Variants in LRPAP1 observed in about 807,000 individuals in gnomAD.
LRPAP1 encodes alpha-2-macroglobulin receptor-associated protein.
A neutral mutation model predicts 39.9 loss-of-function variants in LRPAP1; 41 were observed. The observed-to-expected ratio is 1.03, with a 90% CI of 0.80 to 1.33. The LOEUF (loss-of-function observed/expected upper bound fraction) is 1.33, where lower values mean the gene tolerates loss of function less well. Among genes scored for constraint, LRPAP1 ranks in the 40% most tolerant of loss-of-function variants. The pLI, the probability that LRPAP1 is intolerant of heterozygous loss-of-function variation, is 0.00. For synonymous variants in LRPAP1, 263 were observed against 212.7 expected, an observed-to-expected ratio of 1.24 and a Z score of -2.06; for missense variants, 565 against 482.3, an observed-to-expected ratio of 1.17 and a Z score of -1.61.
rs773363042 is a variant in LRPAP1 at position 3,512,952 on chromosome 4, C to G, written c.*22G>C. ...TCCTTCACGCTGGCCTCTTCCCTGC[C>G]GGGCTGGGCTCCCCAATGCCTTCAG... On this transcript the variant is annotated 3_prime_UTR_variant, in exon 8 of 8. Transcript: ENST00000650182. 1 of 1,603,166 alleles carries G rather than the reference C, an allele frequency of 6.2e-7. No individual in the cohort carries two copies. The highest frequency in any genetic ancestry group is 8.5e-7 in the Non-Finnish European group (1 of 1,175,474).
At position 3,505,386 on chromosome 4, in the gene LRPAP1, C is replaced by T. The variant is rs370445747; in HGVS notation, c.*7588G>A. Among the ~76,000 whole-genome samples the T allele has an allele frequency of 6.6e-6, 1 of 152,346 alleles. No individual in the cohort carries two copies. Among genetic ancestry groups the T allele is most frequent in the East Asian group, 1.9e-4 (1 of 5,182 alleles). On this transcript the variant is annotated 3_prime_UTR_variant, in exon 8 of 8. Transcript: ENST00000650182. ...GCCCTCGCCAGGCTGCTGGCCCCAT[C>T]GCTGGGAAGGAGTGGTTTGACCCCT...
intron 7 of LRPAP1, 102 bp downstream of exon 7, chr4:3,514,650 G>A (rs1360607981): frequency 2.8e-6 from 4 of 1,408,076 alleles, no homozygotes; most frequent in Non-Finnish European, 3.8e-6. Context: ...CAGCAGCGTG[G>A]GGCCCACACC....
chr4:3,507,873 G>T lies in LRPAP1; in HGVS notation c.*5101C>A, dbSNP rs924427316. 2 of 152,204 alleles carry T rather than the reference G, an allele frequency of 1.3e-5. No homozygotes were observed. The highest frequency in any genetic ancestry group is 4.8e-5 in the African/African-American group (2 of 41,452). The allele number at this position is 152,204 out of a possible 1,614,324, so 9.4% of individuals were successfully genotyped here. A position where few individuals can be genotyped will look rare whatever the true frequency, so the allele number is the denominator to read the frequency against. On this transcript the variant is annotated 3_prime_UTR_variant, in exon 8 of 8. Transcript: ENST00000650182. ...AGAAAACACAAATGGCCCAGAGCAGGAATGAGAATGGACATCACTGCACAG... is the reference window on the plus strand; with the variant it reads ...AGAAAACACAAATGGCCCAGAGCAGTAATGAGAATGGACATCACTGCACAG...
At chr4:3,532,080 C>T in intron 1 of LRPAP1, 129 bp downstream of exon 1, 8 of 1,054,464 alleles carry the variant, frequency 7.6e-6, no homozygotes, top group South Asian at 4.8e-5. Flanking sequence ...GTGCCAAGGA[C>T]AGGGCGCGTA....
At chr4:3,522,783 G>C in intron 2 of LRPAP1, among the ~76,000 whole-genome samples, 1 of 152,112 alleles carries the variant, frequency 6.6e-6, no homozygotes, top group South Asian at 2.1e-4. Flanking sequence ...GGGCGCGGTG[G>C]GGGTGAGGAC....
At position 3,532,322 on chromosome 4, in the gene LRPAP1, G is replaced by C. The variant is rs1285938401; in HGVS notation, c.91C>G (p.His31Asp). 6.3e-7 allele frequency: 1 copy of C among 1,584,322 alleles called. No individual in the cohort carries two copies. The highest frequency in any genetic ancestry group is 1.1e-5 in the South Asian group (1 of 87,210). The change falls in exon 1 of 8, where the codon CAC becomes GAC. Residue 31 changes from histidine (H) to aspartate (D), a missense_variant. Transcript: ENST00000650182. ...LFLGPWPAAS[H>D]GGKYSREKNQ... is the part of the protein sequence containing the mutation. ...TTCTCCCGCGAGTACTTGCCGCCGT[G>C]GCTCGCAGCGGGCCAGGGCCCGAGG...
At chr4:3,526,623 G>A (rs539437700) in intron 1 of LRPAP1, among the ~76,000 whole-genome samples, 31 of 152,332 alleles carry the variant, frequency 2.0e-4, no homozygotes, top group African/African-American at 7.0e-4. Flanking sequence ...CCAGCCCTCA[G>A]GTCCGCGCCG....
At chr4:3,520,026 C>A (rs747757132) in intron 3 of LRPAP1, 46 bp downstream of exon 3, 1 of 1,547,676 alleles carries the variant, frequency 6.5e-7, no homozygotes, top group Admixed American at 1.7e-5. Context: ...TAACACTCAA[C>A]GTAACGGCAC....
In LRPAP1 at chr4:3,508,309, T is replaced by A. The variant is rs902163984; in HGVS notation, c.*4665A>T. The A allele has an allele frequency of 2.0e-5, 3 of 152,314 alleles. No individual in the cohort carries two copies. Among genetic ancestry groups the A allele is most frequent in the Admixed American group, 2.0e-4 (3 of 15,300 alleles). 9.4% of individuals were successfully genotyped at this position (152,314 alleles called of 1,614,324 possible). On this transcript the variant is annotated 3_prime_UTR_variant, in exon 8 of 8. Transcript: ENST00000650182. ...GCGTGAGCCACCATGCCAGGCCTCA[T>A]GTCTATTTTTAAAAATCAAGTTCTT...
rs893219788 is a variant in LRPAP1, at chr4:3,509,156, T to G, written c.*3818A>C. 4 of 152,288 alleles carry G rather than the reference T, an allele frequency of 2.6e-5. No individual in the cohort carries two copies. Among genetic ancestry groups the G allele is most frequent in the Admixed American group, 2.6e-4 (4 of 15,288 alleles). 9.4% of individuals were successfully genotyped at this position (152,288 alleles called of 1,614,324 possible). A position where few individuals can be genotyped will look rare whatever the true frequency, so the allele number is the denominator to read the frequency against. ...ATGCACAGAAAACTCCAGTTCATTG[T>G]TGGGAGAAGTTGAAGATGAACTCAA... On this transcript the variant is annotated 3_prime_UTR_variant, in exon 8 of 8. Coordinates refer to ENST00000650182, the MANE Select transcript of LRPAP1 (RefSeq NM_002337.4).
rs148017639 is a variant in LRPAP1, at chr4:3,532,303, C to G, written c.110G>C (p.Arg37Pro). The change falls in exon 1 of 8, where the codon CGG becomes CCG. Residue 37 changes from arginine to proline, a missense_variant. Physicochemically the swap from Arg to Pro is moderately radical, Grantham distance 103. Transcript: ENST00000650182. ...GGACGGCTTGGGCTGGTTCTTCTCC[C>G]GCGAGTACTTGCCGCCGTGGCTCGC... ...PAASHGGKYS[R>P]EKNQPKPSPK... The G allele has an allele frequency of 1.5e-3, 2,380 of 1,574,236 alleles. 34 individuals are homozygous for G. The African/African-American group carries it at 0.029, about 19-fold the overall frequency.
At chr4:3,518,697 A>G (rs555617528) in intron 4 of LRPAP1, among the ~76,000 whole-genome samples, 174 bp downstream of exon 4, 255 of 151,408 alleles carry the variant, frequency 1.7e-3, no homozygotes, top group Middle Eastern at 3.4e-3. Flanking sequence ...CAACCTCCCC[A>G]CTCACAAGTC....
At chr4:3,515,321 G>C (rs978609312) in intron 6 of LRPAP1, among the ~76,000 whole-genome samples, 1 of 152,152 alleles carries the variant, frequency 6.6e-6, no homozygotes. Flanking sequence ...GCTCCTGTAG[G>C]TGCCCTGCCC....
At chr4:3,519,607 C>T (rs1016110380) in intron 3 of LRPAP1, among the ~76,000 whole-genome samples, 14 of 152,216 alleles carry the variant, frequency 9.2e-5, no homozygotes. Context: ...AGGTAAACAC[C>T]CTGCCACAGC....
chr4:3,507,401 C>T lies in LRPAP1; in HGVS notation c.*5573G>A, dbSNP rs945296037. On this transcript the variant is annotated 3_prime_UTR_variant, in exon 8 of 8. Coordinates refer to ENST00000650182, the MANE Select transcript of LRPAP1 (RefSeq NM_002337.4). ...AAAAGAATCAAATGGATTTAATTGT[C>T]TTTTTGTTACTGATTTCCTCCTCAA... 2.0e-5 allele frequency: 3 copies of T among 152,200 alleles called. No individual in the cohort carries two copies. The highest frequency in any genetic ancestry group is 7.2e-5 in the African/African-American group (3 of 41,450). The allele number at this position is 152,200 out of a possible 1,614,324, so 9.4% of individuals were successfully genotyped here. A position where few individuals can be genotyped will look rare whatever the true frequency, so the allele number is the denominator to read the frequency against.
At chr4:3,522,034 A>C (rs1233048556) in intron 2 of LRPAP1, among the ~76,000 whole-genome samples, 1 of 152,232 alleles carries the variant, frequency 6.6e-6, no homozygotes, top group East Asian at 1.9e-4. Flanking sequence ...AAATGAAATA[A>C]ATACATACAA....
intron 2 of LRPAP1, among the ~76,000 whole-genome samples, chr4:3,524,224 T>C (rs1730009455): frequency 6.6e-6 from 1 of 152,144 alleles, no homozygotes; most frequent in Non-Finnish European, 1.5e-5. Flanking sequence ...GTCGCAACTC[T>C]GTCATTTAAA....
intron 2 of LRPAP1, among the ~76,000 whole-genome samples, chr4:3,522,548 C>CT (rs57793212): frequency 0.56 from 44,771 of 79,760 alleles, 13,944 homozygotes; most frequent in East Asian, 0.84. Context: ...ACGCCCTGCC[C>CT]GGGGAGGACA....
At chr4:3,523,078 T>G (rs892442889) in intron 2 of LRPAP1, among the ~76,000 whole-genome samples, 5 of 152,044 alleles carry the variant, frequency 3.3e-5, no homozygotes, top group African/African-American at 1.2e-4. Flanking sequence ...TTCTGCCAGG[T>G]CACTAGGCAA....
Sources: gnomAD v4.1 joint callset for allele counts (sites outside exome capture counted in the v4.1 genomes callset) on GRCh38, gnomAD v4.1.1 for gene constraint, MANE v1.5 for transcripts, NCBI Gene and HGNC (gene_info 2026-07-23, HGNC 2026-07-21) for gene names.